Variants in USP30 observed in about 807,000 individuals in gnomAD.
USP30 encodes ubiquitin specific peptidase 30, also known as ubiquitin carboxyl-terminal hydrolase 30.
A neutral mutation model predicts 68.2 loss-of-function variants in USP30; 41 were observed. The observed-to-expected ratio is 0.60, with a 90% confidence interval of 0.47 to 0.78. The LOEUF is 0.78. Among genes scored for constraint, USP30 ranks in the 30% least tolerant of loss-of-function variants. The pLI is 0.00. For missense variants in USP30, 522 were observed against 649.4 expected, an observed-to-expected ratio of 0.80 and a Z score of 2.13; for synonymous variants, 229 against 253.7, an observed-to-expected ratio of 0.90 and a Z score of 0.93.
intron 3 of USP30, among the ~76,000 whole-genome samples, chr12:109,064,568 C>T (rs12309678): frequency 0.15 from 22,312 of 152,236 alleles, 1,789 homozygotes; most frequent in Middle Eastern, 0.23. Context: ...GCGTAGACCA[C>T]TGCACCTGGC....
intron 3 of USP30, among the ~76,000 whole-genome samples, chr12:109,045,661 G>A (rs570936775): frequency 1.1e-4 from 17 of 152,294 alleles, no homozygotes; most frequent in African/African-American, 3.6e-4. Flanking sequence ...GGGCTGTTGG[G>A]AGGATGAAAC....
At chr12:109,078,163 C>T (rs1401224386) in intron 7 of USP30, among the ~76,000 whole-genome samples, 2 of 152,008 alleles carry the variant, frequency 1.3e-5, no homozygotes, top group Non-Finnish European at 2.9e-5. Flanking sequence ...CTGTGGCTCA[C>T]GTCTGTAATC....
intron 2 of USP30, among the ~76,000 whole-genome samples, chr12:109,025,710 C>T (rs1462135296): frequency 6.6e-6 from 1 of 151,824 alleles, no homozygotes; most frequent in Non-Finnish European, 1.5e-5. Context: ...CTTGCTCTGT[C>T]ACCCAGGCTG....
At chr12:109,049,634 G>C (rs2040640545), upstream of USP30, among the ~76,000 whole-genome samples, 1 of 151,936 alleles carries the variant, frequency 6.6e-6, no homozygotes, top group Non-Finnish European at 1.5e-5. Context: ...GGCCAACACA[G>C]TGGAACCCCA....
At chr12:109,051,249 C>CTTTTT (rs138942249), upstream of USP30, among the ~76,000 whole-genome samples, 179 of 63,464 alleles carry the variant, frequency 2.8e-3, no homozygotes, top group African/African-American at 3.4e-3. Flanking sequence ...TTACCTCTTG[C>CTTTTT]TTTTTTTTTT....
At chr12:109,034,206 T>C (rs2040502705) in intron 3 of USP30, among the ~76,000 whole-genome samples, 1 of 152,256 alleles carries the variant, frequency 6.6e-6, no homozygotes, top group Admixed American at 6.5e-5. Flanking sequence ...CTAATTTCCC[T>C]TGTTAATGTT....
intron 3 of USP30, among the ~76,000 whole-genome samples, chr12:109,030,457 T>C (rs1334782612): frequency 6.6e-6 from 1 of 152,234 alleles, no homozygotes; most frequent in East Asian, 1.9e-4. Context: ...GGGAGATGTT[T>C]GATCAAGGTG....
intron 7 of USP30, among the ~76,000 whole-genome samples, chr12:109,079,246 A>G (rs909895220): frequency 3.4e-5 from 5 of 145,576 alleles, no homozygotes; most frequent in Admixed American, 6.8e-5. Flanking sequence ...ATTTTCTTCA[A>G]TCTTTCTTCT....
chr12:109,078,763 T>C (rs1236772032), intron 7 of USP30, among the ~76,000 whole-genome samples: 1 of 152,250 alleles, frequency 6.6e-6, no homozygotes, highest in African/African-American at 2.4e-5. Flanking sequence ...GGTGTACTGC[T>C]GACAGATACA....
intron 11 of USP30, among the ~76,000 whole-genome samples, chr12:109,083,295 A>G (rs1335302814): frequency 1.3e-5 from 2 of 152,224 alleles, no homozygotes; most frequent in African/African-American, 4.8e-5. Flanking sequence ...ATGAAAAAGT[A>G]CAGAGAGAAA....
At chr12:109,069,769 G>A (rs1292951394) in intron 4 of USP30, among the ~76,000 whole-genome samples, 1 of 152,186 alleles carries the variant, frequency 6.6e-6, no homozygotes, top group Non-Finnish European at 1.5e-5. Flanking sequence ...GGGCAGAGGA[G>A]GAGGAGCCAA....
At chr12:109,050,333 T>C (rs1372593672), upstream of USP30, among the ~76,000 whole-genome samples, 1 of 152,096 alleles carries the variant, frequency 6.6e-6, no homozygotes, top group Non-Finnish European at 1.5e-5. Context: ...GATATACCTA[T>C]ATACCTCAAT....
chr12:109,040,446 T>A (rs1208687169), intron 3 of USP30, among the ~76,000 whole-genome samples: 1 of 152,208 alleles, frequency 6.6e-6, no homozygotes, highest in African/African-American at 2.4e-5. Flanking sequence ...TACTGCTGCA[T>A]AAGAAATTAC....
In USP30 at chr12:109,067,504, C is replaced by G; in HGVS notation, c.377-20C>G. 6.2e-7 allele frequency: 1 copy of G among 1,603,794 alleles called. No homozygotes were observed. The highest frequency in any genetic ancestry group is 8.5e-7 in the Non-Finnish European group (1 of 1,170,798). On this transcript the variant is annotated intron_variant, in intron 3 of 12. Transcript: ENST00000257548. ...TTATGCTGATGAATTTAATAATTGTCTTACCTTTTTTGTTTCCAGCCTTGT... is the reference window on the plus strand; with the variant it reads ...TTATGCTGATGAATTTAATAATTGTGTTACCTTTTTTGTTTCCAGCCTTGT...
At chr12:109,053,865 C>G (rs1232478255) in intron 1 of USP30, 3 of 361,520 alleles carry the variant, frequency 8.3e-6, no homozygotes, top group Non-Finnish European at 1.6e-5. Context: ...TGACACTCTT[C>G]CCTTCAGTTT....
intron 4 of USP30, 32 bp downstream of exon 4, chr12:109,067,659 G>A (rs770312535): frequency 1.9e-6 from 3 of 1,594,566 alleles, no homozygotes; most frequent in Admixed American, 3.3e-5. Flanking sequence ...GTTTAGCTTG[G>A]AGAATCCTTT....
intron 1 of USP30, among the ~76,000 whole-genome samples, chr12:109,056,339 C>T (rs1274985200): frequency 6.6e-6 from 1 of 152,084 alleles, no homozygotes; most frequent in Non-Finnish European, 1.5e-5. Flanking sequence ...ATTACAGGTG[C>T]ACATCACCAC....
chr12:109,023,628 C>CTTT (rs1179349331), intron 1 of USP30, among the ~76,000 whole-genome samples: 3,933 of 72,744 alleles, frequency 0.054, 838 homozygotes, highest in East Asian at 0.11. Flanking sequence ...TTAATCAGGA[C>CTTT]TTTTTTTTTT....
chr12:109,082,016 A>C lies in USP30; in HGVS notation c.864A>C (p.Thr288=), dbSNP rs143487979. 6.2e-7 allele frequency: 1 copy of C among 1,614,076 alleles called. No individual in the cohort carries two copies. The highest frequency in any genetic ancestry group is 1.3e-5 in the African/African-American group (1 of 74,914). ...GGGATGTTGTGTGTGACAACTGTAC[A>C]AAGGTATGCATTGAACCCCAAATGT... ...SVRDVVCDNC[T]KIEAKGTLNG... Residue 288 remains threonine, a synonymous_variant, in exon 9 of 13, where the codon ACA becomes ACC. Transcript: ENST00000257548.
Sources: allele counts gnomAD v4.1 joint callset (sites outside exome capture counted in the v4.1 genomes callset), GRCh38; gene constraint gnomAD v4.1.1; transcripts MANE v1.5; gene names NCBI Gene and HGNC (gene_info 2026-07-23, HGNC 2026-07-21).